The following EXT1 variants were observed in gnomAD, a reference collection of about 807,000 sequenced individuals.
EXT1 encodes exostosin-1.
Under a neutral mutation model 82.5 loss-of-function variants are expected in EXT1, and 20 were observed. That is an observed-to-expected ratio of 0.24 (90% CI 0.17 to 0.35). The LOEUF is 0.35. EXT1 is among the 10% of genes least tolerant of loss of function. The pLI is 1.00. For missense variants in EXT1, 757 were observed against 936.5 expected (o/e 0.81, Z 2.50); for synonymous variants, 348 against 350.8 (o/e 0.99, Z 0.09).
At chr8:118,027,630 A>T (rs533403557) in intron 1 of EXT1, among the ~76,000 whole-genome samples, 70 of 152,208 alleles carry the variant, frequency 4.6e-4, no homozygotes, top group African/African-American at 1.6e-3. Flanking sequence ...TTTCTTGCAC[A>T]CCCTCTTAGC....
rs141182515 is a variant in EXT1, at chr8:117,849,511, A to T, written c.963-12310T>A. Among the ~76,000 whole-genome samples the T allele has an allele frequency of 8.4e-3, 1,275 of 152,344 alleles. 12 individuals are homozygous for T. Among genetic ancestry groups the T allele is most frequent in the Non-Finnish European group, 0.011 (781 of 68,026 alleles). On this transcript the variant is annotated intron_variant, in intron 1 of 10. Coordinates refer to ENST00000378204, the MANE Select transcript of EXT1 (RefSeq NM_000127.3). ...TGAACTGCTGGCAATGTTTGCAGGG[A>T]TAATTCATATGACAAGTTTCTAAAA...
intron 1 of EXT1, among the ~76,000 whole-genome samples, chr8:117,896,087 TG>T (rs773253815): frequency 2.0e-5 from 3 of 152,322 alleles, no homozygotes; most frequent in East Asian, 3.9e-4. Flanking sequence ...ATAACATTTG[TG>T]GGATTTCATT....
In EXT1 at chr8:117,978,912, A is replaced by G. The variant is rs866202466; in HGVS notation, c.962+131173T>C. On this transcript the variant is annotated intron_variant, in intron 1 of 10. Coordinates refer to ENST00000378204, the MANE Select transcript of EXT1 (RefSeq NM_000127.3). Reference sequence around the variant, plus strand: ...TGGAGGTAGGATGGGTATTGTTATTATGTTAAACATGAAGAAACAGAAGGC... The same window carrying G: ...TGGAGGTAGGATGGGTATTGTTATTGTGTTAAACATGAAGAAACAGAAGGC... Among the ~76,000 whole-genome samples, 7 of 152,308 alleles carry G rather than the reference A, an allele frequency of 4.6e-5. No individual in the cohort carries two copies. The South Asian group carries it at 8.3e-4, about 18-fold the overall frequency.
chr8:117,796,103 T>C lies in EXT1; in HGVS notation c.*3609A>G, dbSNP rs1823085221. 6.6e-6 allele frequency: 1 copy of C among 152,168 alleles called. No homozygotes were observed. Among genetic ancestry groups the C allele is most frequent in the Non-Finnish European group, 1.5e-5 (1 of 68,042 alleles). 9.4% of individuals were successfully genotyped at this position (152,168 alleles called of 1,614,324 possible). A position where few individuals can be genotyped will look rare whatever the true frequency, so the allele number is the denominator to read the frequency against. On this transcript the variant is annotated 3_prime_UTR_variant, in exon 11 of 11. Transcript: ENST00000378204. ...GCGGTCCTGATGTACTGGCTGCATG[T>C]TGATTATATTCACAAGTAAGAGGCA...
intron 1 of EXT1, among the ~76,000 whole-genome samples, chr8:117,917,877 G>A (rs1481373808): frequency 6.6e-6 from 1 of 152,034 alleles, no homozygotes; most frequent in East Asian, 1.9e-4. Flanking sequence ...CACTAACCTG[G>A]CATTCACTGA....
intron 1 of EXT1, among the ~76,000 whole-genome samples, chr8:117,851,119 A>G (rs924704017): frequency 7.2e-5 from 11 of 152,156 alleles, no homozygotes; most frequent in Admixed American, 7.2e-4. Flanking sequence ...GCTTTCTGTA[A>G]TAACAAGGGA....
chr8:118,097,572 C>A (rs971965422), intron 1 of EXT1, among the ~76,000 whole-genome samples: 4 of 152,200 alleles, frequency 2.6e-5, no homozygotes, highest in African/African-American at 9.7e-5. Flanking sequence ...AAGGTTGAGA[C>A]CCACTGCCTT....
intron 1 of EXT1, among the ~76,000 whole-genome samples, chr8:118,051,036 C>A (rs1816708498): frequency 6.6e-6 from 1 of 152,170 alleles, no homozygotes; most frequent in Non-Finnish European, 1.5e-5. Flanking sequence ...TCCATACACA[C>A]AAATATAGTG....
chr8:117,859,156 C>T (rs994694826), intron 1 of EXT1, among the ~76,000 whole-genome samples: 3 of 152,008 alleles, frequency 2.0e-5, no homozygotes. Context: ...TACTGGAAAA[C>T]CAGAAAAAAT....
At chr8:117,819,590 A>G in intron 6 of EXT1, 86 bp downstream of exon 6, 1 of 1,117,678 alleles carries the variant, frequency 8.9e-7, no homozygotes, top group Non-Finnish European at 1.4e-6. Context: ...GAGCCTGGGG[A>G]GCCCGGGGGA....
intron 1 of EXT1, among the ~76,000 whole-genome samples, chr8:117,871,083 T>C (rs984969858): frequency 6.6e-6 from 1 of 152,210 alleles, no homozygotes. Flanking sequence ...GGCTGTTGTA[T>C]AGAATTTTCC....
intron 3 of EXT1, 31 bp from the exon 4 acceptor site, chr8:117,830,380 T>C (rs1473075334): frequency 1.9e-6 from 3 of 1,611,350 alleles, no homozygotes; most frequent in East Asian, 4.5e-5. Flanking sequence ...ATAGGAATTA[T>C]AACTGTAAAA....
Position 117,823,686 on chromosome 8 carries a change from T to C in EXT1, c.1285-1089A>G, listed in dbSNP as rs950662533. ...TCATTCCACATGGTGACTAGATAAG[T>C]AATAAAGTGGGCTACATTTATCTTT... On this transcript the variant is annotated intron_variant, in intron 4 of 10. Coordinates refer to ENST00000378204, the MANE Select transcript of EXT1 (RefSeq NM_000127.3). Among the ~76,000 whole-genome samples, 4 of 152,140 alleles carry C rather than the reference T, an allele frequency of 2.6e-5. No homozygotes were observed. In the South Asian group the frequency reaches 6.2e-4, roughly 24 times the overall value.
rs573969649 is a variant in EXT1 at position 117,986,025 on chromosome 8, C to CA, written c.962+124059_962+124060insT. On this transcript the variant is annotated intron_variant, in intron 1 of 10. Coordinates refer to ENST00000378204, the MANE Select transcript of EXT1 (RefSeq NM_000127.3). ...TACATAAACCCTAGTGTATTCTTGACTTTTTTTTACTAAGGAAAGCGGTGA... is the reference window on the plus strand; with the variant it reads ...TACATAAACCCTAGTGTATTCTTGACATTTTTTTTACTAAGGAAAGCGGTGA... 2.8e-4 allele frequency among the ~76,000 whole-genome samples: 42 copies of CA among 152,018 alleles called. 2 individuals carry two copies. In the East Asian group the frequency reaches 6.6e-3, roughly 24 times the overall value.
intron 1 of EXT1, among the ~76,000 whole-genome samples, chr8:117,995,335 C>T (rs564336672): frequency 6.6e-6 from 1 of 152,286 alleles, no homozygotes; most frequent in Non-Finnish European, 1.5e-5. Flanking sequence ...GAAAAGCCAG[C>T]ATGGTATGAG....
chr8:117,809,257 A>G (rs1263370722), intron 8 of EXT1, among the ~76,000 whole-genome samples: 1 of 128,358 alleles, frequency 7.8e-6, no homozygotes, highest in East Asian at 2.2e-4. Context: ...TGTTCTATTG[A>G]TTCTGTTTGC....
chr8:117,816,031 G>T (rs72673926), intron 7 of EXT1, among the ~76,000 whole-genome samples: 4 of 151,436 alleles, frequency 2.6e-5, no homozygotes, highest in East Asian at 1.9e-4. Flanking sequence ...GGGGAGGGAG[G>T]TACATAAGAA....
intron 1 of EXT1, among the ~76,000 whole-genome samples, chr8:118,069,962 C>T (rs982242740): frequency 5.9e-5 from 9 of 152,100 alleles, no homozygotes; most frequent in African/African-American, 2.2e-4. Context: ...TCCTCACATA[C>T]ACATTTTACT....
chr8:117,873,447 CTTTTT>C (rs1184985472), intron 1 of EXT1, among the ~76,000 whole-genome samples: 1 of 99,706 alleles, frequency 1.0e-5, no homozygotes, highest in African/African-American at 4.1e-5. Context: ...TGTCCTGTGA[CTTTTT>C]TTTTTTTTTT....
Sources: gnomAD v4.1 joint callset for allele counts (sites outside exome capture counted in the v4.1 genomes callset) on GRCh38, gnomAD v4.1.1 for gene constraint, MANE v1.5 for transcripts, NCBI Gene and HGNC (gene_info 2026-07-23, HGNC 2026-07-21) for gene names.